Variants in PRKAA2 observed in about 807,000 individuals in gnomAD.
The protein encoded by PRKAA2 is protein kinase AMP-activated catalytic subunit alpha 2.
A neutral mutation model predicts 56.3 loss-of-function variants in PRKAA2; 40 were observed. The observed-to-expected ratio is 0.71, with a 90% CI of 0.55 to 0.92. The LOEUF (loss-of-function observed/expected upper bound fraction) is 0.92. Ranked by LOEUF, PRKAA2 falls within the 40% of genes least tolerant of loss-of-function variation. PRKAA2 has a pLI of 0.00. For missense variants in PRKAA2, 542 were observed against 686.9 expected, an observed-to-expected ratio of 0.79 and a Z score of 2.36; for synonymous variants, 214 against 234.2, an observed-to-expected ratio of 0.91 and a Z score of 0.79.
At chr1:56,680,228 C>T (rs1190033625) in intron 2 of PRKAA2, among the ~76,000 whole-genome samples, 1 of 152,112 alleles carries the variant, frequency 6.6e-6, no homozygotes, top group East Asian at 1.9e-4. Context: ...CTCCTCTTTG[C>T]TCTCAAAGCA....
intron 5 of PRKAA2, among the ~76,000 whole-genome samples, chr1:56,694,967 A>C (rs1365784416): frequency 6.6e-6 from 1 of 151,986 alleles, no homozygotes; most frequent in Non-Finnish European, 1.5e-5. Context: ...TATCATGGGA[A>C]TTGTAATGCT....
chr1:56,652,794 G>T lies in PRKAA2; in HGVS notation c.94+7313G>T, dbSNP rs1311797640. ...TGCATGGCAATTGTAGGTAAATTCT[G>T]CACCCTGTGTTAGAAAGTACTTACT... On this transcript the variant is annotated intron_variant, in intron 1 of 8. Coordinates refer to ENST00000371244, the MANE Select transcript of PRKAA2 (RefSeq NM_006252.4). Among the ~76,000 whole-genome samples the T allele has an allele frequency of 5.9e-5, 9 of 152,274 alleles. No individual in the cohort carries two copies. In the South Asian group the frequency reaches 1.2e-3, roughly 21 times the overall value.
At chr1:56,664,506 A>G (rs934094099) in intron 1 of PRKAA2, among the ~76,000 whole-genome samples, 4 of 152,046 alleles carry the variant, frequency 2.6e-5, no homozygotes, top group African/African-American at 9.7e-5. Flanking sequence ...TTTATATTTA[A>G]TAAGTTATTT....
Position 56,710,700 on chromosome 1 carries a change from C to G in PRKAA2, c.*2987C>G, listed in dbSNP as rs1216413011. 1 of 151,840 alleles carries G rather than the reference C, an allele frequency of 6.6e-6. No homozygotes were observed. The highest frequency in any genetic ancestry group is 1.9e-4 in the East Asian group (1 of 5,186). The allele number at this position is 151,840 out of a possible 1,614,324, so 9.4% of individuals were successfully genotyped here. ...GTGTCTGCAACTTGTTTCATGACAC[C>G]TTGGTTTTCTTAATCATCTTGTATT... On this transcript the variant is annotated 3_prime_UTR_variant, in exon 9 of 9. Transcript: ENST00000371244.
intron 1 of PRKAA2, among the ~76,000 whole-genome samples, chr1:56,648,029 CAA>C (rs77883110): frequency 6.5e-5 from 7 of 107,848 alleles, no homozygotes; most frequent in Non-Finnish European, 7.8e-5. Context: ...GACTCCATCT[CAA>C]AAAAAAAAAA....
chr1:56,659,898 A>T (rs968325002), intron 1 of PRKAA2, among the ~76,000 whole-genome samples: 2 of 152,254 alleles, frequency 1.3e-5, no homozygotes, highest in African/African-American at 2.4e-5. Flanking sequence ...ACAAAGAGAG[A>T]CCCTGTCTCT....
chr1:56,691,617 G>T, intron 3 of PRKAA2, 130 bp downstream of exon 3: 1 of 507,294 alleles, frequency 2.0e-6, no homozygotes, highest in Non-Finnish European at 3.2e-6. Flanking sequence ...TAAACATGTA[G>T]AGTGTTAGAT....
At chr1:56,651,198 A>C (rs1643894095) in intron 1 of PRKAA2, among the ~76,000 whole-genome samples, 1 of 152,198 alleles carries the variant, frequency 6.6e-6, no homozygotes, top group Admixed American at 6.6e-5. Flanking sequence ...GGGTATATTT[A>C]ATTATTCATC....
intron 1 of PRKAA2, among the ~76,000 whole-genome samples, chr1:56,662,894 C>T (rs897681825): frequency 1.3e-5 from 2 of 152,064 alleles, no homozygotes; most frequent in South Asian, 2.1e-4. Flanking sequence ...GGAGCATTGT[C>T]ATGGTGGAGA....
At chr1:56,652,276 G>C (rs1470032953) in intron 1 of PRKAA2, among the ~76,000 whole-genome samples, 1 of 152,108 alleles carries the variant, frequency 6.6e-6, no homozygotes, top group Non-Finnish European at 1.5e-5. Flanking sequence ...TTCCCAAAGT[G>C]CTGGGAGTAA....
At chr1:56,685,074 G>T (rs537724816) in intron 2 of PRKAA2, among the ~76,000 whole-genome samples, 76 of 152,266 alleles carry the variant, frequency 5.0e-4, no homozygotes, top group Non-Finnish European at 8.2e-4. Flanking sequence ...TGTGGTGGAA[G>T]AAAAGATAAT....
chr1:56,671,547 T>C (rs560441371), intron 1 of PRKAA2: 1 of 152,360 alleles, frequency 6.6e-6, no homozygotes, highest in East Asian at 1.9e-4. Context: ...TCTCACTTTG[T>C]TTGTTTTATA....
rs1557558222 is a variant in PRKAA2, at chr1:56,691,497, A to G, written c.330+10A>G. 6.3e-7 allele frequency: 1 copy of G among 1,577,472 alleles called. No homozygotes were observed. Among genetic ancestry groups the G allele is most frequent in the African/African-American group, 1.3e-5 (1 of 74,162 alleles). Reference sequence around the variant, plus strand: ...CTGTAAGCATGGACGGGTGAGTAACATACTATCTGGTACACTAAATCTCTA... The same window carrying G: ...CTGTAAGCATGGACGGGTGAGTAACGTACTATCTGGTACACTAAATCTCTA... On this transcript the variant is annotated intron_variant, in intron 3 of 8. Coordinates refer to ENST00000371244, the MANE Select transcript of PRKAA2 (RefSeq NM_006252.4).
chr1:56,660,393 A>G (rs9887834), intron 1 of PRKAA2, among the ~76,000 whole-genome samples: 60,293 of 151,662 alleles, frequency 0.4, 12,578 homozygotes, highest in Middle Eastern at 0.51. Flanking sequence ...TATTTTCTTG[A>G]TTTTTCAGCA....
Position 56,707,700 on chromosome 1 carries a change from C to G in PRKAA2, c.1646C>G (p.Thr549Ser), listed in dbSNP as rs766345818. 235 of 1,595,220 alleles carry G rather than the reference C, an allele frequency of 1.5e-4. No homozygotes were observed. In the East Asian group the frequency reaches 5.1e-3, roughly 35 times the overall value. ...FFEMCASLIT[T>S]LAR ...GAAATGTGTGCCAGTCTGATTACTA[C>G]TTTAGCCCGTTGATCTGTCTCTAGT... The change falls in exon 9 of 9, where the codon ACT becomes AGT. Residue 549 changes from threonine (T) to serine (S), a missense_variant. Around this residue, in one of 5 missense-constraint regions of PRKAA2, gnomAD observed 158 missense variants for 166.1 expected, o/e 0.95. Coordinates refer to ENST00000371244, the MANE Select transcript of PRKAA2 (RefSeq NM_006252.4).
At chr1:56,691,083 C>A (rs1247593214) in intron 2 of PRKAA2, among the ~76,000 whole-genome samples, 1 of 152,082 alleles carries the variant, frequency 6.6e-6, no homozygotes, top group African/African-American at 2.4e-5. Flanking sequence ...ATATGTGATA[C>A]CTCATCTCCT....
intron 1 of PRKAA2, among the ~76,000 whole-genome samples, chr1:56,656,272 G>A (rs957820344): frequency 2.0e-5 from 3 of 152,138 alleles, no homozygotes; most frequent in Admixed American, 6.5e-5. Context: ...TCTAATACAT[G>A]TATTATTGGA....
chr1:56,666,158 ATTAGAG>A (rs1195848129), intron 1 of PRKAA2, among the ~76,000 whole-genome samples: 6 of 152,216 alleles, frequency 3.9e-5, no homozygotes, highest in Non-Finnish European at 8.8e-5. Flanking sequence ...CACCCCAAGT[ATTAGAG>A]TTAGTCATGC....
At chr1:56,655,280 A>ATATATATTTTTTTTTTTTTTT in intron 1 of PRKAA2, among the ~76,000 whole-genome samples, 8 of 93,678 alleles carry the variant, frequency 8.5e-5, no homozygotes, top group East Asian at 4.6e-4. Context: ...ATATATATAT[A>ATATATATTTTTTTTTTTTTTT]TTTTTTTTTT....
Sources: allele counts gnomAD v4.1 joint callset (sites outside exome capture counted in the v4.1 genomes callset), GRCh38; gene constraint gnomAD v4.1.1; regional missense constraint gnomAD v4.1.1; transcripts MANE v1.5; gene names NCBI Gene and HGNC (gene_info 2026-07-23, HGNC 2026-07-21).